The following ACOT7 variants were observed in gnomAD, a reference collection of about 807,000 sequenced individuals.
The protein encoded by ACOT7 is acyl-CoA thioesterase 7, also known as cytosolic acyl coenzyme A thioester hydrolase.
In ACOT7, 12 loss-of-function variants were observed where a neutral mutation model predicts 40.2. The ratio of observed to expected loss-of-function variants is 0.30; its 90% CI spans 0.19 to 0.48. The LOEUF is 0.48. Among genes scored for constraint, ACOT7 ranks in the 20% least tolerant of loss-of-function variants. The pLI is 0.99. For missense variants in ACOT7, 395 were observed against 530.8 expected (o/e 0.74, Z 2.51); for synonymous variants, 228 against 219.5 (o/e 1.04, Z -0.34).
chr1:6,365,224 G>A (rs986813806), intron 1 of ACOT7, among the ~76,000 whole-genome samples: 1 of 152,170 alleles, frequency 6.6e-6, no homozygotes, highest in Non-Finnish European at 1.5e-5. Context: ...GAGAAGCAGA[G>A]GGCCTCAGCA....
chr1:6,312,202 G>T (rs577550037), intron 6 of ACOT7, among the ~76,000 whole-genome samples: 2 of 152,148 alleles, frequency 1.3e-5, no homozygotes, highest in Non-Finnish European at 2.9e-5. Flanking sequence ...CAGGATGGGC[G>T]GTTAGCAGGG....
rs941054037 is a variant in ACOT7 at position 6,374,064 on chromosome 1, T to C, written c.143+19193A>G. On this transcript the variant is annotated intron_variant, in intron 1 of 8. Coordinates refer to ENST00000361521, the MANE Select transcript of ACOT7 (RefSeq NM_007274.4). ...GAATTAAATATCCATGGCAAATGCA[T>C]TGGGCTTGTTTCTACTTGAGGCACT... Among the ~76,000 whole-genome samples, 14 of 152,336 alleles carry C rather than the reference T, an allele frequency of 9.2e-5. No homozygotes were observed. The East Asian group carries it at 2.3e-3, about 25-fold the overall frequency.
Position 6,301,472 on chromosome 1 carries a change from T to C in ACOT7, c.713-6492A>G, listed in dbSNP as rs1161471475. Among the ~76,000 whole-genome samples, 1 of 152,164 alleles carries C rather than the reference T, an allele frequency of 6.6e-6. No individual in the cohort carries two copies. Among genetic ancestry groups the C allele is most frequent in the African/African-American group, 2.4e-5 (1 of 41,448 alleles). On this transcript the variant is annotated intron_variant, in intron 6 of 8. Transcript: ENST00000361521. The surrounding 1 kb of genome is among the most constrained non-coding windows in gnomAD (Gnocchi z 4.1). ...GCGAATACCCTCTTCACCACCCCCA[T>C]GCTCCTGCAGGCTCCACACGGCACC...
chr1:6,284,576 CAA>C (rs561943319), intron 7 of ACOT7, among the ~76,000 whole-genome samples: 15 of 58,004 alleles, frequency 2.6e-4, no homozygotes, highest in Non-Finnish European at 4.4e-4. Context: ...AACTCCATCT[CAA>C]AAAAAAAAAA....
rs575536362 is a variant in ACOT7 at position 6,282,616 on chromosome 1, G to A, written c.830-1330C>T. 1.3e-5 allele frequency: 11 copies of A among 846,116 alleles called. No homozygotes were observed. The South Asian group carries it at 1.6e-4, about 12-fold the overall frequency. 52.4% of individuals were successfully genotyped at this position (846,116 alleles called of 1,614,324 possible). On this transcript the variant is annotated intron_variant, in intron 7 of 8. Coordinates refer to ENST00000361521, the MANE Select transcript of ACOT7 (RefSeq NM_007274.4). This position sits in a 1 kb window ranked among gnomAD's most constrained non-coding sequence, Gnocchi z 4.5. Reference sequence around the variant, plus strand: ...GTTTAGAGACCCAGAGTGAGAAAGCGGCCAGGTGGTGGCTGTTGGAGGGCG... The same window carrying A: ...GTTTAGAGACCCAGAGTGAGAAAGCAGCCAGGTGGTGGCTGTTGGAGGGCG...
At chr1:6,284,886 C>T (rs554434563) in intron 7 of ACOT7, among the ~76,000 whole-genome samples, 5 of 152,326 alleles carry the variant, frequency 3.3e-5, no homozygotes, top group Middle Eastern at 3.4e-3. Flanking sequence ...AAAAGCCCTC[C>T]TCTTACAGCT....
chr1:6,331,466 G>A (rs1192407642), intron 4 of ACOT7, among the ~76,000 whole-genome samples: 1 of 152,238 alleles, frequency 6.6e-6, no homozygotes, highest in Non-Finnish European at 1.5e-5. Context: ...CCAATGGAGG[G>A]CGCAGGGCCT....
intron 8 of ACOT7, among the ~76,000 whole-genome samples, chr1:6,269,706 A>G (rs1056261477): frequency 1.3e-5 from 2 of 152,240 alleles, no homozygotes; most frequent in Non-Finnish European, 2.9e-5. Context: ...CAGACAAAGC[A>G]AATGCTGTCT....
chr1:6,354,364 A>G (rs996324515), intron 1 of ACOT7, among the ~76,000 whole-genome samples: 10 of 152,044 alleles, frequency 6.6e-5, no homozygotes, highest in African/African-American at 1.9e-4. Flanking sequence ...AGGAGAGGGA[A>G]TGTTCGGGGC....
At chr1:6,348,805 A>G (rs1328516008) in intron 2 of ACOT7, among the ~76,000 whole-genome samples, 1 of 152,178 alleles carries the variant, frequency 6.6e-6, no homozygotes, top group African/African-American at 2.4e-5. Flanking sequence ...CTGCATCTCA[A>G]CAGTGTGGCT....
At chr1:6,360,795 T>C in intron 1 of ACOT7, 1 of 1,476,822 alleles carries the variant, frequency 6.8e-7, no homozygotes, top group Non-Finnish European at 9.0e-7. Flanking sequence ...AAGCAACCCT[T>C]CCAGCTGGTC....
Position 6,318,613 on chromosome 1 carries a change from T to C in ACOT7, c.626-35A>G, listed in dbSNP as rs772414528. ...CAAAAGAGAGAGATTAGTTATGGGG[T>C]AGGCTGATTCCCACAGCTGAATGGT... On this transcript the variant is annotated intron_variant, in intron 5 of 8. Transcript: ENST00000361521. 8.1e-6 allele frequency: 13 copies of C among 1,602,696 alleles called. No individual in the cohort carries two copies. In the African/African-American group the frequency reaches 1.7e-4, roughly 21 times the overall value.
At chr1:6,287,457 G>T (rs1488148060) in intron 7 of ACOT7, among the ~76,000 whole-genome samples, 1 of 152,278 alleles carries the variant, frequency 6.6e-6, no homozygotes, top group African/African-American at 2.4e-5. Context: ...CTGTCTCACT[G>T]GGCTGTGTGA....
At chr1:6,285,900 T>C (rs1639489812) in intron 7 of ACOT7, among the ~76,000 whole-genome samples, 1 of 152,172 alleles carries the variant, frequency 6.6e-6, no homozygotes, top group Non-Finnish European at 1.5e-5. Context: ...ACCAGTAGTG[T>C]CTGTCTGTAT....
intron 1 of ACOT7, among the ~76,000 whole-genome samples, 199 bp downstream of exon 1, chr1:6,393,058 G>T (rs1642560612): frequency 6.6e-6 from 1 of 151,434 alleles, no homozygotes; most frequent in African/African-American, 2.4e-5. Context: ...GAGGCGGGCG[G>T]GGGCCGCCCG....
At position 6,301,638 on chromosome 1, in the gene ACOT7, A is replaced by G. The variant is rs2148402796; in HGVS notation, c.713-6658T>C. Among the ~76,000 whole-genome samples, 1 of 152,320 alleles carries G rather than the reference A, an allele frequency of 6.6e-6. No homozygotes were observed. The highest frequency in any genetic ancestry group is 1.9e-4 in the East Asian group (1 of 5,184). Reference sequence around the variant, plus strand: ...GCTGAATGAATGAATTAATCAATGAATGAATGCAGGTTGACTAACAGGTCA... The same window carrying G: ...GCTGAATGAATGAATTAATCAATGAGTGAATGCAGGTTGACTAACAGGTCA... On this transcript the variant is annotated intron_variant, in intron 6 of 8. Transcript: ENST00000361521. This position sits in a 1 kb window ranked among gnomAD's most constrained non-coding sequence, Gnocchi z 4.1.
chr1:6,351,515 C>T (rs1251226108), intron 1 of ACOT7, among the ~76,000 whole-genome samples: 1 of 152,200 alleles, frequency 6.6e-6, no homozygotes, highest in African/African-American at 2.4e-5. Context: ...CTTTGTTTTC[C>T]ACTTAGTAGG....
At chr1:6,391,404 G>A (rs112263078) in intron 1 of ACOT7, among the ~76,000 whole-genome samples, 4,728 of 152,224 alleles carry the variant, frequency 0.031, 239 homozygotes, top group African/African-American at 0.11. Flanking sequence ...TACTCGGGAG[G>A]CTGAGGCCCA....
Position 6,306,504 on chromosome 1 carries a change from C to T in ACOT7, c.713-11524G>A. On this transcript the variant is annotated intron_variant, in intron 6 of 8. Transcript: ENST00000361521. The surrounding 1 kb of genome is among the most constrained non-coding windows in gnomAD (Gnocchi z 4.3). Reference sequence around the variant, plus strand: ...CAAGTTCACCAGTCCCCACGTCCCGCTCCCCCGCTGAAGCATCAGGATGGA... The same window carrying T: ...CAAGTTCACCAGTCCCCACGTCCCGTTCCCCCGCTGAAGCATCAGGATGGA... 1.0e-6 allele frequency: 1 copy of T among 985,358 alleles called. No individual in the cohort carries two copies. The highest frequency in any genetic ancestry group is 1.2e-6 in the Non-Finnish European group (1 of 829,924). 61.0% of individuals were successfully genotyped at this position (985,358 alleles called of 1,614,324 possible).
Sources: allele counts gnomAD v4.1 joint callset (sites outside exome capture counted in the v4.1 genomes callset), GRCh38; gene constraint gnomAD v4.1.1; non-coding constraint Gnocchi (gnomAD v3.1); transcripts MANE v1.5; gene names NCBI Gene and HGNC (gene_info 2026-07-23, HGNC 2026-07-21).